Variants in RARB observed in about 807,000 individuals in gnomAD.
The protein encoded by RARB is HBV-activated protein.
Under a neutral mutation model 51.9 loss-of-function variants are expected in RARB, and 17 were observed. The observed-to-expected ratio is 0.33, with a 90% CI of 0.22 to 0.49. RARB has a LOEUF of 0.49. RARB is among the 20% of genes least tolerant of loss of function. The probability of loss-of-function intolerance (pLI) is 0.99; values close to 1 mark genes in which losing one functional copy is unlikely to be tolerated. For synonymous variants in RARB, 215 were observed against 195.4 expected, an observed-to-expected ratio of 1.10 and a Z score of -0.84; for missense variants, 369 against 550.8, an observed-to-expected ratio of 0.67 and a Z score of 3.30.
At chr3:25,052,000 G>A (rs893488831) in intron 2 of RARB, among the ~76,000 whole-genome samples, 1 of 152,136 alleles carries the variant, frequency 6.6e-6, no homozygotes, top group Non-Finnish European at 1.5e-5. Flanking sequence ...AGTATAAGAT[G>A]TTTTGTTGAT....
chr3:25,479,550 A>T (rs1696127631), intron 2 of RARB, among the ~76,000 whole-genome samples: 1 of 152,224 alleles, frequency 6.6e-6, no homozygotes. Context: ...AGTACATGTG[A>T]TGACTTTTGA....
rs576250604 is a variant in RARB at position 25,215,093 on chromosome 3, C to A, written c.178+40518C>A. Among the ~76,000 whole-genome samples the A allele has an allele frequency of 2.0e-5, 3 of 152,222 alleles. No homozygotes were observed. In the South Asian group the frequency reaches 6.2e-4, roughly 32 times the overall value. On this transcript the variant is annotated intron_variant, in intron 5 of 11. Coordinates refer to the RARB transcript ENST00000383772. ...TCACTCAAGTTAGTAAAAATCCCAG[C>A]CAGTTGTTCTTAATCCCAACTGTAC...
intron 3 of RARB, among the ~76,000 whole-genome samples, chr3:25,078,498 T>G (rs1698920716): frequency 6.6e-6 from 1 of 152,030 alleles, no homozygotes; most frequent in African/African-American, 2.4e-5. Flanking sequence ...ACTTGGTAAC[T>G]GTAACTTTAA....
At chr3:25,017,393 T>G (rs1483192524) in intron 2 of RARB, among the ~76,000 whole-genome samples, 1 of 147,864 alleles carries the variant, frequency 6.8e-6, no homozygotes, top group Admixed American at 6.7e-5. Context: ...AAAAAAAGAT[T>G]AAAGAAGATT....
intron 4 of RARB, among the ~76,000 whole-genome samples, chr3:25,146,596 C>T (rs1700197703): frequency 1.3e-5 from 2 of 151,104 alleles, no homozygotes; most frequent in Non-Finnish European, 2.9e-5. Context: ...CAAGCTCCGC[C>T]TCCCGGGTTC....
chr3:25,257,967 G>T (rs1575264082), intron 5 of RARB, among the ~76,000 whole-genome samples: 2 of 152,102 alleles, frequency 1.3e-5, no homozygotes, highest in African/African-American at 4.8e-5. Context: ...CTCTCTTCCT[G>T]CCATAGCAAT....
At chr3:25,159,264 G>A (rs573165129) in intron 4 of RARB, among the ~76,000 whole-genome samples, 385 of 138,264 alleles carry the variant, frequency 2.8e-3, no homozygotes, top group South Asian at 4.4e-3. Context: ...CCCCCTCCCC[G>A]GTTCAAGCAA....
At chr3:25,555,444 A>G (rs1700019281) in intron 3 of RARB, 1 of 152,206 alleles carries the variant, frequency 6.6e-6, no homozygotes, top group Admixed American at 6.5e-5. Context: ...AAGAAAATAA[A>G]CACCAAGAAG....
At chr3:25,582,387 C>A (rs534289690) in intron 5 of RARB, among the ~76,000 whole-genome samples, 1 of 152,180 alleles carries the variant, frequency 6.6e-6, no homozygotes, top group African/African-American at 2.4e-5. Context: ...GCAAGCAATG[C>A]TGTGTCATTC....
intron 3 of RARB, among the ~76,000 whole-genome samples, chr3:25,545,991 A>G (rs1195702435): frequency 6.6e-6 from 1 of 152,236 alleles, no homozygotes; most frequent in East Asian, 1.9e-4. Flanking sequence ...AAGGTGACAC[A>G]TCACATCAGT....
chr3:25,460,704 T>C (rs1019200995), intron 1 of RARB, among the ~76,000 whole-genome samples: 10 of 152,126 alleles, frequency 6.6e-5, no homozygotes, highest in African/African-American at 2.4e-4. Flanking sequence ...TGCCTCAGCC[T>C]CCCAAAGTGC....
intron 3 of RARB, among the ~76,000 whole-genome samples, chr3:25,072,731 T>C (rs1268295736): frequency 3.3e-5 from 5 of 151,612 alleles, no homozygotes; most frequent in Admixed American, 6.6e-5. Flanking sequence ...TTTTTTGAGA[T>C]AGAGTCTCGC....
intron 2 of RARB, among the ~76,000 whole-genome samples, chr3:24,911,342 A>G (rs1217856818): frequency 6.6e-6 from 1 of 152,186 alleles, no homozygotes; most frequent in Non-Finnish European, 1.5e-5. Context: ...AAATCAAAAA[A>G]AGCTTTTTAC....
At chr3:25,506,617 C>CA (rs1697614734) in intron 3 of RARB, among the ~76,000 whole-genome samples, 2 of 152,068 alleles carry the variant, frequency 1.3e-5, no homozygotes, top group Non-Finnish European at 2.9e-5. Context: ...CCCTGTCTCA[C>CA]AAAAAAAGAA....
intron 5 of RARB, among the ~76,000 whole-genome samples, chr3:25,330,014 G>A (rs1028627811): frequency 4.6e-5 from 7 of 152,160 alleles, no homozygotes; most frequent in African/African-American, 1.7e-4. Flanking sequence ...ATGGGACTAT[G>A]TGAAAAGACC....
At chr3:25,119,534 T>C (rs953694635) in intron 3 of RARB, among the ~76,000 whole-genome samples, 2 of 152,064 alleles carry the variant, frequency 1.3e-5, no homozygotes, top group African/African-American at 2.4e-5. Context: ...ATGGGTCTTA[T>C]GCACCCTGAC....
chr3:25,588,535 C>T (rs1231651189), intron 5 of RARB, among the ~76,000 whole-genome samples: 2 of 152,130 alleles, frequency 1.3e-5, no homozygotes, highest in Admixed American at 6.6e-5. Context: ...CAAAATACCA[C>T]AAAACTTAGC....
At chr3:25,074,048 G>C (rs550644038) in intron 3 of RARB, among the ~76,000 whole-genome samples, 17 of 152,290 alleles carry the variant, frequency 1.1e-4, no homozygotes, top group African/African-American at 3.4e-4. Context: ...CTACGTGTCA[G>C]GCAATGTGCC....
chr3:25,360,427 C>A (rs1705894308), intron 5 of RARB, among the ~76,000 whole-genome samples: 5 of 152,104 alleles, frequency 3.3e-5, no homozygotes, highest in Admixed American at 3.3e-4. Flanking sequence ...ACTTTTGATC[C>A]AATTTGCCAG....
Sources: gnomAD v4.1 joint callset for allele counts (sites outside exome capture counted in the v4.1 genomes callset) on GRCh38, gnomAD v4.1.1 for gene constraint, MANE v1.5 for transcripts, NCBI Gene and HGNC (gene_info 2026-07-23, HGNC 2026-07-21) for gene names.